Variants in ATP6V0D1 observed in about 807,000 individuals in gnomAD.
ATP6V0D1 encodes V-type proton ATPase subunit d 1.
Under a neutral mutation model 39.0 loss-of-function variants are expected in ATP6V0D1, and 13 were observed. That is an observed-to-expected ratio of 0.33 (90% CI 0.22 to 0.53). ATP6V0D1 has a LOEUF of 0.53. Among genes scored for constraint, ATP6V0D1 ranks in the 20% least tolerant of loss-of-function variants. ATP6V0D1 has a pLI of 0.94. For missense variants in ATP6V0D1, 272 were observed against 470.9 expected, an observed-to-expected ratio of 0.58 and a Z score of 3.91; for synonymous variants, 191 against 191.2, an observed-to-expected ratio of 1.00 and a Z score of 0.01.
At chr16:67,467,462 G>A (rs919373552) in intron 1 of ATP6V0D1, among the ~76,000 whole-genome samples, 1 of 151,892 alleles carries the variant, frequency 6.6e-6, no homozygotes, top group African/African-American at 2.4e-5. Context: ...CCAAGATCAT[G>A]CCACTGCACT....
chr16:67,442,366 C>G (rs868614353), intron 4 of ATP6V0D1, among the ~76,000 whole-genome samples: 5 of 152,220 alleles, frequency 3.3e-5, no homozygotes, highest in Admixed American at 6.5e-5. Context: ...TGCAGCCCAT[C>G]TGGGGTCCTG....
chr16:67,450,368 G>GT (rs1233890239), intron 2 of ATP6V0D1, among the ~76,000 whole-genome samples: 1 of 152,160 alleles, frequency 6.6e-6, no homozygotes, highest in Non-Finnish European at 1.5e-5. Context: ...GAAGCCAATC[G>GT]TGAGCCCCAG....
chr16:67,449,185 T>C (rs922020591), intron 2 of ATP6V0D1, among the ~76,000 whole-genome samples: 10 of 152,170 alleles, frequency 6.6e-5, no homozygotes, highest in African/African-American at 2.4e-4. Context: ...GGCCCTCAGA[T>C]CCCCCAGGTG....
chr16:67,480,878 T>A (rs2041467688), intron 1 of ATP6V0D1, 79 bp downstream of exon 1: 4 of 1,560,334 alleles, frequency 2.6e-6, no homozygotes, highest in Non-Finnish European at 3.5e-6. Context: ...AGACCCCCCC[T>A]TCCGGCTTCC....
Position 67,457,483 on chromosome 16 carries a change from C to T in ATP6V0D1, c.131-3768G>A. 3 of 937,968 alleles carry T rather than the reference C, an allele frequency of 3.2e-6. No homozygotes were observed. In the South Asian group the frequency reaches 4.3e-5, roughly 14 times the overall value. 58.1% of individuals were successfully genotyped at this position (937,968 alleles called of 1,614,324 possible). A position where few individuals can be genotyped will look rare whatever the true frequency, so the allele number is the denominator to read the frequency against. ...CAGATTTCAGTCCCAGATGAGCTGG[C>T]AGGTGGTGGCAGAGGGGTGGGAGAA... On this transcript the variant is annotated intron_variant, in intron 1 of 7. Coordinates refer to ENST00000290949, the MANE Select transcript of ATP6V0D1 (RefSeq NM_004691.5).
chr16:67,440,124 T>G (rs1181659873), intron 4 of ATP6V0D1: 1 of 152,190 alleles, frequency 6.6e-6, no homozygotes, highest in Non-Finnish European at 1.5e-5. Flanking sequence ...TCTGCCACCT[T>G]CCCTTACAGA....
At chr16:67,477,184 A>C in intron 1 of ATP6V0D1, among the ~76,000 whole-genome samples, 1 of 152,082 alleles carries the variant, frequency 6.6e-6, no homozygotes. Flanking sequence ...TATATGTCAG[A>C]GATGGGATCA....
chr16:67,478,831 G>A (rs2041438889), intron 1 of ATP6V0D1, among the ~76,000 whole-genome samples: 1 of 152,136 alleles, frequency 6.6e-6, no homozygotes, highest in Admixed American at 6.6e-5. Flanking sequence ...AAGATGGGAA[G>A]AACCCTGTGC....
intron 1 of ATP6V0D1, among the ~76,000 whole-genome samples, chr16:67,470,092 C>A (rs1005127722): frequency 6.6e-6 from 1 of 152,184 alleles, no homozygotes; most frequent in African/African-American, 2.4e-5. Flanking sequence ...CTTAACCAGA[C>A]CATAACCAAA....
intron 1 of ATP6V0D1, among the ~76,000 whole-genome samples, chr16:67,471,213 G>A (rs567942794): frequency 3.9e-5 from 6 of 152,288 alleles, no homozygotes; most frequent in African/African-American, 1.4e-4. Flanking sequence ...TTGAGACAGA[G>A]TCTGGTTCTG....
intron 1 of ATP6V0D1, among the ~76,000 whole-genome samples, chr16:67,462,546 T>C (rs1372311059): frequency 1.3e-5 from 2 of 152,226 alleles, no homozygotes; most frequent in African/African-American, 4.8e-5. Context: ...TGGCCGAGGC[T>C]GGGCACAGTG....
intron 1 of ATP6V0D1, among the ~76,000 whole-genome samples, chr16:67,472,182 C>T (rs1276760370): frequency 1.3e-5 from 2 of 152,174 alleles, no homozygotes; most frequent in African/African-American, 2.4e-5. Context: ...ACAACCTGTG[C>T]CAGTTCATCC....
At chr16:67,467,964 G>A (rs924334810) in intron 1 of ATP6V0D1, among the ~76,000 whole-genome samples, 2 of 152,182 alleles carry the variant, frequency 1.3e-5, no homozygotes, top group Non-Finnish European at 2.9e-5. Flanking sequence ...AGAAGGCCAG[G>A]GACAAAACTA....
intron 1 of ATP6V0D1, among the ~76,000 whole-genome samples, chr16:67,473,976 C>T (rs1234390000): frequency 1.3e-5 from 2 of 152,114 alleles, no homozygotes; most frequent in African/African-American, 4.8e-5. Flanking sequence ...GTTTTTATCA[C>T]CCCAAAAATA....
intron 1 of ATP6V0D1, among the ~76,000 whole-genome samples, chr16:67,464,455 C>T (rs2041313593): frequency 6.6e-6 from 1 of 152,240 alleles, no homozygotes. Flanking sequence ...AACGGTACCT[C>T]CAGGAGCCTG....
At chr16:67,450,795 T>C (rs1052820638) in intron 2 of ATP6V0D1, among the ~76,000 whole-genome samples, 3 of 152,112 alleles carry the variant, frequency 2.0e-5, no homozygotes, top group Non-Finnish European at 4.4e-5. Context: ...GGAATGCAAA[T>C]GAGTGGCCAC....
chr16:67,454,794 G>A (rs1287335045), intron 1 of ATP6V0D1: 1 of 152,238 alleles, frequency 6.6e-6, no homozygotes, highest in Non-Finnish European at 1.5e-5. Context: ...CTCATGTGGT[G>A]GTCCCACCAT....
intron 2 of ATP6V0D1, among the ~76,000 whole-genome samples, chr16:67,445,078 G>C (rs1397279165): frequency 6.6e-6 from 1 of 152,238 alleles, no homozygotes; most frequent in Non-Finnish European, 1.5e-5. Context: ...AAGAGCGTGA[G>C]AGCCTGGGAA....
In ATP6V0D1 at chr16:67,444,643, G is replaced by C; in HGVS notation, c.366C>G (p.Ile122Met). Reference sequence around the variant, plus strand: ...GGTGGCACTTGGGCACGAGCTCAGCGATGGAGCGCTGGTGCAGCGTGCCTG... The same window carrying C: ...GGTGGCACTTGGGCACGAGCTCAGCCATGGAGCGCTGGTGCAGCGTGCCTG... The part of the protein sequence containing the change: ...LITGTLHQRS[I>M]AELVPKCHPL... Residue 122 changes from isoleucine to methionine, a missense_variant, in exon 3 of 8, where the codon ATC becomes ATG. Around this residue, in one of 4 missense-constraint regions of ATP6V0D1, gnomAD observed 135 missense variants for 273.8 expected, o/e 0.49. Coordinates refer to ENST00000290949, the MANE Select transcript of ATP6V0D1 (RefSeq NM_004691.5). This position sits in a 1 kb window ranked among gnomAD's most constrained non-coding sequence, Gnocchi z 4.8. 1 of 1,613,080 alleles carries C rather than the reference G, an allele frequency of 6.2e-7. No individual in the cohort carries two copies. Among genetic ancestry groups the C allele is most frequent in the Non-Finnish European group, 8.5e-7 (1 of 1,179,426 alleles).
Sources: gnomAD v4.1 joint callset for allele counts (sites outside exome capture counted in the v4.1 genomes callset) on GRCh38, gnomAD v4.1.1 for gene constraint, gnomAD v4.1.1 regional missense constraint, Gnocchi (gnomAD v3.1) non-coding constraint, MANE v1.5 for transcripts, NCBI Gene and HGNC (gene_info 2026-07-23, HGNC 2026-07-21) for gene names.